SEMA6D: variants seen among roughly 807,000 people sequenced by gnomAD.
SEMA6D encodes the protein semaphorin-6D.
SEMA6D carries 35 observed loss-of-function variants against 106.6 expected under a neutral mutation model. The observed-to-expected ratio is 0.33, with a 90% CI of 0.25 to 0.44. The LOEUF (loss-of-function observed/expected upper bound fraction) is 0.44. SEMA6D is among the 20% of genes least tolerant of loss of function. The pLI is 1.00. For synonymous variants in SEMA6D, 499 were observed against 487.7 expected (o/e 1.02, Z -0.31); for missense variants, 1,185 against 1,345.9 (o/e 0.88, Z 1.87).
At chr15:47,201,443 A>G (rs894878323) in intron 1 of SEMA6D, among the ~76,000 whole-genome samples, 5 of 152,226 alleles carry the variant, frequency 3.3e-5, no homozygotes, top group Non-Finnish European at 2.9e-5. Flanking sequence ...AATTTTTCCT[A>G]TGACCCTGAT....
At chr15:47,559,026 G>A (rs540704983) in intron 3 of SEMA6D, among the ~76,000 whole-genome samples, 16 of 152,114 alleles carry the variant, frequency 1.1e-4, no homozygotes, top group South Asian at 4.1e-4. Context: ...TCATGGAAGC[G>A]TGAGTAAGCT....
chr15:47,210,603 A>G lies in SEMA6D; in HGVS notation c.-239+26185A>G, dbSNP rs535176912. ...AACATAGTGAAACCCCGTCTCTACT[A>G]AAAATACAAAAATCCGTGGCGCGTG... On this transcript the variant is annotated intron_variant, in intron 1 of 19. Transcript: ENST00000558014. Among the ~76,000 whole-genome samples the G allele has an allele frequency of 5.3e-5, 8 of 152,014 alleles. No individual in the cohort carries two copies. In the South Asian group the frequency reaches 1.3e-3, roughly 24 times the overall value.
chr15:47,458,140 A>T (rs935884764), intron 2 of SEMA6D, among the ~76,000 whole-genome samples: 1 of 152,170 alleles, frequency 6.6e-6, no homozygotes, highest in East Asian at 1.9e-4. Flanking sequence ...AATAACACTG[A>T]GAATGTTAAA....
intron 1 of SEMA6D, among the ~76,000 whole-genome samples, chr15:47,284,518 T>C (rs28410124): frequency 0.014 from 2,187 of 152,298 alleles, 34 homozygotes; most frequent in Non-Finnish European, 0.018. Context: ...TACTGTAAAT[T>C]TGAGATTCCA....
intron 1 of SEMA6D, among the ~76,000 whole-genome samples, chr15:47,257,172 C>T (rs1393382562): frequency 6.6e-6 from 1 of 151,820 alleles, no homozygotes; most frequent in African/African-American, 2.4e-5. Context: ...ATTCTCCTGC[C>T]TCAGCCTCCC....
At chr15:47,415,777 A>C (rs976925118) in intron 2 of SEMA6D, among the ~76,000 whole-genome samples, 1 of 152,238 alleles carries the variant, frequency 6.6e-6, no homozygotes, top group Non-Finnish European at 1.5e-5. Context: ...TTGCTGGAAC[A>C]TACCATAATC....
chr15:47,767,291 A>G (rs1279114069), intron 17 of SEMA6D, 198 bp downstream of exon 17: 1 of 447,174 alleles, frequency 2.2e-6, no homozygotes, highest in African/African-American at 2.0e-5. Flanking sequence ...ACACTTCATC[A>G]TTGACCAAGC....
At chr15:47,565,113 A>T (rs937474478) in intron 3 of SEMA6D, among the ~76,000 whole-genome samples, 7 of 152,196 alleles carry the variant, frequency 4.6e-5, no homozygotes, top group African/African-American at 1.7e-4. Context: ...AAGTACAGAT[A>T]CAGAAGGGCC....
chr15:47,223,839 G>A (rs1413474036), intron 1 of SEMA6D, among the ~76,000 whole-genome samples: 1 of 151,800 alleles, frequency 6.6e-6, no homozygotes, highest in Non-Finnish European at 1.5e-5. Flanking sequence ...TATTTCTTTG[G>A]TTACATTCTC....
chr15:47,678,755 CTTTA>C (rs1468166574), intron 4 of SEMA6D, among the ~76,000 whole-genome samples: 2 of 151,448 alleles, frequency 1.3e-5, no homozygotes, highest in African/African-American at 2.4e-5. Flanking sequence ...GTGTGAGGCA[CTTTA>C]TTTATAATAT....
At chr15:47,539,458 C>T (rs575043885) in intron 3 of SEMA6D, among the ~76,000 whole-genome samples, 8 of 151,672 alleles carry the variant, frequency 5.3e-5, no homozygotes, top group Non-Finnish European at 1.0e-4. Context: ...GACAGTCTTG[C>T]TCTGTCTCCA....
intron 1 of SEMA6D, among the ~76,000 whole-genome samples, chr15:47,297,834 G>C (rs912180552): frequency 5.9e-5 from 9 of 152,052 alleles, no homozygotes; most frequent in African/African-American, 2.2e-4. Context: ...CCGGGGATGG[G>C]GCAATGGGGT....
At chr15:47,738,784 T>C (rs1305596302) in intron 1 of SEMA6D, among the ~76,000 whole-genome samples, 1 of 152,172 alleles carries the variant, frequency 6.6e-6, no homozygotes, top group East Asian at 1.9e-4. Context: ...GAATCTACAA[T>C]GTGGGCAGAG....
chr15:47,362,242 C>G (rs936077960), intron 1 of SEMA6D, among the ~76,000 whole-genome samples: 7 of 152,106 alleles, frequency 4.6e-5, no homozygotes. Flanking sequence ...TATGGGGAAA[C>G]AACTCACGCC....
At chr15:47,211,592 C>A (rs1277025465) in intron 1 of SEMA6D, among the ~76,000 whole-genome samples, 2 of 152,040 alleles carry the variant, frequency 1.3e-5, no homozygotes, top group African/African-American at 4.8e-5. Flanking sequence ...TAGACACTAT[C>A]TGAAAGTCAG....
intron 1 of SEMA6D, among the ~76,000 whole-genome samples, chr15:47,232,488 C>T (rs2032266370): frequency 1.3e-5 from 2 of 151,138 alleles, no homozygotes; most frequent in South Asian, 4.2e-4. Flanking sequence ...TGGAATTTCT[C>T]CATATCCTTT....
At chr15:47,682,858 C>A (rs1049635923) in intron 4 of SEMA6D, among the ~76,000 whole-genome samples, 3 of 152,128 alleles carry the variant, frequency 2.0e-5, no homozygotes, top group African/African-American at 7.2e-5. Flanking sequence ...AAGATAGAAA[C>A]CCTGGATACC....
At chr15:47,734,598 C>T (rs1453730724) in intron 1 of SEMA6D, among the ~76,000 whole-genome samples, 1 of 152,096 alleles carries the variant, frequency 6.6e-6, no homozygotes, top group East Asian at 1.9e-4. Context: ...CTTGAGTTTC[C>T]ACTGTGTCAC....
chr15:47,298,421 A>G (rs2035889620), intron 1 of SEMA6D, among the ~76,000 whole-genome samples: 2 of 152,064 alleles, frequency 1.3e-5, no homozygotes, highest in African/African-American at 4.8e-5. Context: ...AACATTTAGG[A>G]CAGCTTGCAG....
Sources: gnomAD v4.1 joint callset for allele counts (sites outside exome capture counted in the v4.1 genomes callset) on GRCh38, gnomAD v4.1.1 for gene constraint, MANE v1.5 for transcripts, NCBI Gene and HGNC (gene_info 2026-07-23, HGNC 2026-07-21) for gene names.